ACOT12: variants seen among roughly 807,000 people sequenced by gnomAD.
The protein encoded by ACOT12 is acetyl-coenzyme A thioesterase.
In ACOT12, 51 loss-of-function variants were observed where a neutral mutation model predicts 67.7. The ratio of observed to expected loss-of-function variants is 0.75; its 90% CI spans 0.60 to 0.95. ACOT12 has a LOEUF of 0.95. Among genes scored for constraint, ACOT12 ranks in the 40% least tolerant of loss-of-function variants. The pLI is 0.00. For missense variants in ACOT12, 734 were observed against 708.1 expected (o/e 1.04, Z -0.41); for synonymous variants, 251 against 244.6 (o/e 1.03, Z -0.24).
chr5:81,312,597 GA>G, the ACOT12 span: 1 of 1,613,914 alleles, frequency 6.2e-7, no homozygotes, highest in Non-Finnish European at 8.5e-7. Context: ...AGACTATGAA[GA>G]AATTTTGGAT....
At chr5:81,334,098 C>T (rs1307193243) in intron 12 of ACOT12, among the ~76,000 whole-genome samples, 1 of 152,166 alleles carries the variant, frequency 6.6e-6, no homozygotes, top group Non-Finnish European at 1.5e-5. Flanking sequence ...AAGAAGACCA[C>T]CTTCCCACTC....
At chr5:81,318,754 G>A in the ACOT12 span, among the ~76,000 whole-genome samples, 3 of 152,168 alleles carry the variant, frequency 2.0e-5, no homozygotes, top group Non-Finnish European at 4.4e-5. Flanking sequence ...TAGTATCACT[G>A]CATCAGGCAG....
At chr5:81,332,733 C>T in intron 12 of ACOT12, 128 bp from the exon 13 acceptor site, 1 of 1,115,322 alleles carries the variant, frequency 9.0e-7, no homozygotes, top group Non-Finnish European at 1.3e-6. Context: ...AATCATCTCC[C>T]TAAAAGCCAG....
At chr5:81,333,623 A>G (rs1758901372) in intron 12 of ACOT12, among the ~76,000 whole-genome samples, 2 of 152,362 alleles carry the variant, frequency 1.3e-5, no homozygotes, top group South Asian at 2.1e-4. Flanking sequence ...TTTTTAAAGC[A>G]TAACACCAAA....
chr5:81,371,931 A>G, intron 2 of ACOT12, 121 bp from the exon 3 acceptor site: 1 of 821,246 alleles, frequency 1.2e-6, no homozygotes, highest in Admixed American at 2.5e-5. Flanking sequence ...GATAATTTTC[A>G]TGCATGCGAA....
At chr5:81,357,850 A>C (rs1759767679) in intron 5 of ACOT12, among the ~76,000 whole-genome samples, 1 of 152,008 alleles carries the variant, frequency 6.6e-6, no homozygotes, top group South Asian at 2.1e-4. Flanking sequence ...CCCTAAAAAC[A>C]CAAAAATTAG....
the ACOT12 span, among the ~76,000 whole-genome samples, chr5:81,322,602 C>T: frequency 6.6e-6 from 1 of 151,886 alleles, no homozygotes; most frequent in Admixed American, 6.6e-5. Flanking sequence ...GAGGATAGAC[C>T]AAAAGGAGGT....
At chr5:81,393,913 C>CA in intron 1 of ACOT12, 75 bp downstream of exon 1, 3 of 1,229,852 alleles carry the variant, frequency 2.4e-6, no homozygotes, top group Non-Finnish European at 2.0e-6. Flanking sequence ...GCCTTCCTAC[C>CA]CCCCCCAGCC....
In ACOT12 at chr5:81,379,178, C is replaced by T. The variant is rs539622534; in HGVS notation, c.197+6579G>A. Among the ~76,000 whole-genome samples the T allele has an allele frequency of 3.9e-5, 6 of 152,120 alleles. No homozygotes were observed. In the South Asian group the frequency reaches 1.2e-3, roughly 32 times the overall value. On this transcript the variant is annotated intron_variant, in intron 2 of 14. Transcript: ENST00000307624. ...AAAAAGGATGAGTTCATGTCCTTTG[C>T]AGGGACATTGATGAAGCTGGAAACC... is the stretch of plus-strand genomic sequence containing the variant.
At position 81,330,895 on chromosome 5, in the gene ACOT12, G is replaced by T; in HGVS notation, c.1437C>A (p.Val479=). The change falls in exon 14 of 15, where the codon GTC becomes GTA. Residue 479 remains valine (V), a synonymous_variant. Transcript: ENST00000307624. ...TTCTGATGTACTGTGGAGACGGGGG[G>T]ACCGATGGCAAAATGACCGACTTCA... ...VAVKSVILPS[V]PPSPQYIRSE... is the part of the protein sequence containing the mutation. 3.7e-6 allele frequency: 6 copies of T among 1,612,970 alleles called. No individual in the cohort carries two copies. Among genetic ancestry groups the T allele is most frequent in the Non-Finnish European group, 5.1e-6 (6 of 1,179,490 alleles).
intron 13 of ACOT12, among the ~76,000 whole-genome samples, chr5:81,331,683 T>C (rs549176475): frequency 2.6e-5 from 4 of 152,362 alleles, no homozygotes; most frequent in African/African-American, 9.6e-5. Flanking sequence ...AACATTTTAC[T>C]GTATAGCCCT....
chr5:81,342,586 C>A, intron 11 of ACOT12, 86 bp downstream of exon 11: 1 of 1,330,302 alleles, frequency 7.5e-7, no homozygotes, highest in Non-Finnish European at 1.1e-6. Flanking sequence ...TTCTTAAAAG[C>A]CTCAGTAGAA....
chr5:81,372,403 T>C (rs913072793), intron 2 of ACOT12, among the ~76,000 whole-genome samples: 7 of 152,208 alleles, frequency 4.6e-5, no homozygotes, highest in African/African-American at 1.4e-4. Context: ...GGTAACCCAA[T>C]AGAAGCCCCC....
At chr5:81,354,492 A>AG (rs1432162909) in intron 5 of ACOT12, among the ~76,000 whole-genome samples, 1 of 152,092 alleles carries the variant, frequency 6.6e-6, no homozygotes, top group Admixed American at 6.5e-5. Context: ...TGTTACCTTG[A>AG]GGGGGGTGTG....
chr5:81,327,171 GTA>G (rs1261264283), downstream of ACOT12, among the ~76,000 whole-genome samples: 1,007 of 142,728 alleles, frequency 7.1e-3, 10 homozygotes, highest in East Asian at 0.044. Flanking sequence ...ATATATATGT[GTA>G]TATATATATA....
intron 6 of ACOT12, among the ~76,000 whole-genome samples, 175 bp from the exon 7 acceptor site, chr5:81,346,179 A>G (rs551070730): frequency 6.6e-6 from 1 of 152,314 alleles, no homozygotes; most frequent in East Asian, 1.9e-4. Context: ...GGGAAATACC[A>G]TGTCCCCGAG....
Position 81,348,005 on chromosome 5 carries a change from C to T in ACOT12, c.497-75G>A. The T allele has an allele frequency of 1.2e-5, 18 of 1,470,960 alleles. No homozygotes were observed. The South Asian group carries it at 2.3e-4, about 19-fold the overall frequency. 91.1% of individuals were successfully genotyped at this position (1,470,960 alleles called of 1,614,324 possible). ...TGGGGCTCCAGCTTTTCCTTCCCGG[C>T]AGTACATTCAACTCGGATTTATAGA... is the stretch of plus-strand genomic sequence containing the variant. On this transcript the variant is annotated intron_variant, in intron 5 of 14. Transcript: ENST00000307624.
At position 81,344,091 on chromosome 5, in the gene ACOT12, G is replaced by C. The variant is rs1009786785; in HGVS notation, c.980+69C>G. The C allele has an allele frequency of 1.4e-5, 21 of 1,497,276 alleles. No individual in the cohort carries two copies. In the South Asian group the frequency reaches 2.5e-4, roughly 18 times the overall value. 92.7% of individuals were successfully genotyped at this position (1,497,276 alleles called of 1,614,324 possible). A position where few individuals can be genotyped will look rare whatever the true frequency, so the allele number is the denominator to read the frequency against. On this transcript the variant is annotated intron_variant, in intron 9 of 14. Coordinates refer to ENST00000307624, the MANE Select transcript of ACOT12 (RefSeq NM_130767.3). ...CGTTACGTGGGAATAGAGACCCAGAGGGGGGCTCTTATATAATTTGTCAGA... is the reference window on the plus strand; with the variant it reads ...CGTTACGTGGGAATAGAGACCCAGACGGGGGCTCTTATATAATTTGTCAGA...
chr5:81,371,889 C>T (rs1485534645), intron 2 of ACOT12, 79 bp from the exon 3 acceptor site: 1 of 1,267,396 alleles, frequency 7.9e-7, no homozygotes, highest in Non-Finnish European at 1.1e-6. Context: ...TACTTAAATG[C>T]ATGCCATAAA....
Sources: allele counts gnomAD v4.1 joint callset (sites outside exome capture counted in the v4.1 genomes callset), GRCh38; gene constraint gnomAD v4.1.1; transcripts MANE v1.5; gene names NCBI Gene and HGNC (gene_info 2026-07-23, HGNC 2026-07-21).